The following FZD3 variants were observed in gnomAD, a reference collection of about 807,000 sequenced individuals.
FZD3 encodes the protein frizzled class receptor 3.
Under a neutral mutation model 60.7 loss-of-function variants are expected in FZD3, and 30 were observed. The observed-to-expected ratio is 0.49, with a 90% CI of 0.37 to 0.67. The LOEUF is 0.67. Among genes scored for constraint, FZD3 ranks in the 30% least tolerant of loss-of-function variants. FZD3 has a pLI of 0.00. For missense variants in FZD3, 605 were observed against 838.7 expected, an observed-to-expected ratio of 0.72 and a Z score of 3.44; for synonymous variants, 246 against 275.2, an observed-to-expected ratio of 0.89 and a Z score of 1.05.
chr8:28,546,399 C>A (rs958469687), intron 5 of FZD3, among the ~76,000 whole-genome samples: 4 of 152,188 alleles, frequency 2.6e-5, no homozygotes, highest in Non-Finnish European at 5.9e-5. Context: ...AAAACATTTA[C>A]CAGCACACCA....
chr8:28,568,203 G>A lies in FZD3; in HGVS notation c.*5192G>A, dbSNP rs1805738923. The A allele has an allele frequency of 1.3e-5, 2 of 152,052 alleles. No homozygotes were observed. The highest frequency in any genetic ancestry group is 3.8e-4 in the East Asian group (2 of 5,196). The allele number at this position is 152,052 out of a possible 1,614,324, so 9.4% of individuals were successfully genotyped here. On this transcript the variant is annotated 3_prime_UTR_variant, in exon 8 of 8. Transcript: ENST00000240093. ...ACTTGTGATTCTTTTCAATGCTTTT[G>A]TGTCGTTTTACAGCTGATTAAGAAA...
chr8:28,537,959 A>C (rs942308095), intron 5 of FZD3, among the ~76,000 whole-genome samples: 2 of 151,970 alleles, frequency 1.3e-5, no homozygotes, highest in African/African-American at 4.8e-5. Context: ...TCTACTAAAA[A>C]TACAAAAATT....
At chr8:28,515,127 A>G (rs1270590891) in intron 3 of FZD3, among the ~76,000 whole-genome samples, 1 of 152,176 alleles carries the variant, frequency 6.6e-6, no homozygotes, top group Admixed American at 6.5e-5. Context: ...CTTACCTTAT[A>G]GGATTGTTGT....
At chr8:28,508,231 A>G (rs1014956748) in intron 3 of FZD3, among the ~76,000 whole-genome samples, 1 of 152,030 alleles carries the variant, frequency 6.6e-6, no homozygotes, top group Admixed American at 6.6e-5. Context: ...AGTGGTGTTT[A>G]ACAGTTTCTT....
At chr8:28,512,573 A>G (rs1187224296) in intron 3 of FZD3, among the ~76,000 whole-genome samples, 1 of 152,124 alleles carries the variant, frequency 6.6e-6, no homozygotes, top group East Asian at 1.9e-4. Flanking sequence ...CTTTTAAAAT[A>G]GTAAAACTAG....
At position 28,523,037 on chromosome 8, in the gene FZD3, T is replaced by C. The variant is rs1454342676; in HGVS notation, c.386+2203T>C. 3.9e-5 allele frequency among the ~76,000 whole-genome samples: 6 copies of C among 152,308 alleles called. No individual in the cohort carries two copies. In the South Asian group the frequency reaches 1.0e-3, roughly 26 times the overall value. On this transcript the variant is annotated intron_variant, in intron 4 of 7. Coordinates refer to ENST00000240093, the MANE Select transcript of FZD3 (RefSeq NM_017412.4). ...CGCCCGCCTCAGCCTCCCAAAGTGC[T>C]GGGATTACAGGCGTGAGCCACCGTG... is the stretch of plus-strand genomic sequence containing the variant.
At chr8:28,539,849 A>G (rs924235955) in intron 5 of FZD3, among the ~76,000 whole-genome samples, 1 of 35,200 alleles carries the variant, frequency 2.8e-5, no homozygotes, top group Non-Finnish European at 5.3e-5. Flanking sequence ...GGCCATCACA[A>G]TAATTAAAAA....
intron 6 of FZD3, among the ~76,000 whole-genome samples, chr8:28,552,768 T>G (rs1805437177): frequency 6.6e-6 from 1 of 152,196 alleles, no homozygotes; most frequent in East Asian, 1.9e-4. Context: ...GTTATACAAA[T>G]TATATTAACA....
intron 2 of FZD3, among the ~76,000 whole-genome samples, chr8:28,502,127 C>A (rs1018994443): frequency 3.3e-5 from 5 of 152,118 alleles, no homozygotes; most frequent in African/African-American, 7.2e-5. Context: ...AAGAAAAATT[C>A]TAGGTACATA....
At chr8:28,500,953 G>C (rs372358258) in intron 2 of FZD3, among the ~76,000 whole-genome samples, 6 of 152,066 alleles carry the variant, frequency 3.9e-5, no homozygotes, top group Non-Finnish European at 7.4e-5. Context: ...GTAGAGACAG[G>C]GTTTCACTAT....
In FZD3 at chr8:28,527,730, A is replaced by G. The variant is rs1804753494; in HGVS notation, c.970A>G (p.Ile324Val). 1.9e-6 allele frequency: 3 copies of G among 1,614,164 alleles called. No individual in the cohort carries two copies. The highest frequency in any genetic ancestry group is 2.2e-5 in the East Asian group (1 of 44,888). ...AAVPKWGSEA[I>V]EKKALLFHAS... is the part of the protein sequence containing the mutation. ...TGTGCCAAAGTGGGGTAGTGAAGCT[A>G]TTGAGAAGAAAGCATTGCTGTTTCA... Residue 324 changes from isoleucine to valine, a missense_variant, in exon 5 of 8, where the codon ATT becomes GTT. By Grantham distance (29) the Ile-to-Val change is conservative (BLOSUM62 3). Coordinates refer to ENST00000240093, the MANE Select transcript of FZD3 (RefSeq NM_017412.4). The surrounding 1 kb of genome is among the most constrained non-coding windows in gnomAD (Gnocchi z 5.0).
In FZD3 at chr8:28,529,419, C is replaced by G. The variant is rs1417614956; in HGVS notation, c.1404+1255C>G. Among the ~76,000 whole-genome samples the G allele has an allele frequency of 2.0e-5, 3 of 152,094 alleles. No individual in the cohort carries two copies. In the East Asian group the frequency reaches 5.8e-4, roughly 29 times the overall value. ...ATAACTTTTGTTTACTAGTCTGTTT[C>G]CCCTATTACTATACTCTGAACTCTT... is the stretch of plus-strand genomic sequence containing the variant. On this transcript the variant is annotated intron_variant, in intron 5 of 7. Transcript: ENST00000240093.
At chr8:28,520,129 G>A (rs891172581) in intron 3 of FZD3, among the ~76,000 whole-genome samples, 1 of 150,500 alleles carries the variant, frequency 6.6e-6, no homozygotes, top group Non-Finnish European at 1.5e-5. Context: ...AGAATTGCTT[G>A]AACTTGGGAG....
At chr8:28,520,193 G>C (rs1804538607) in intron 3 of FZD3, among the ~76,000 whole-genome samples, 1 of 141,082 alleles carries the variant, frequency 7.1e-6, no homozygotes, top group Admixed American at 7.5e-5. Flanking sequence ...CTGGGCGACA[G>C]AGTGAGACTC....
Position 28,502,926 on chromosome 8 carries a change from C to T in FZD3, c.-88C>T, listed in dbSNP as rs1434595013. On this transcript the variant is annotated 5_prime_UTR_variant, in exon 3 of 8. Coordinates refer to ENST00000240093, the MANE Select transcript of FZD3 (RefSeq NM_017412.4). ...TAACAGTAAGATACAGAAGAAGTAC[C>T]TTCGAGCTGAGACCTGCAGGTGTAT... The T allele has an allele frequency of 2.5e-6, 2 of 789,002 alleles. No homozygotes were observed. Among genetic ancestry groups the T allele is most frequent in the Non-Finnish European group, 4.1e-6 (2 of 485,576 alleles). 48.9% of individuals were successfully genotyped at this position (789,002 alleles called of 1,614,324 possible). A position where few individuals can be genotyped will look rare whatever the true frequency, so the allele number is the denominator to read the frequency against.
intron 1 of FZD3, among the ~76,000 whole-genome samples, chr8:28,497,462 A>AGAAGC (rs3049806): frequency 6.6e-6 from 1 of 151,796 alleles, no homozygotes; most frequent in East Asian, 1.9e-4. Flanking sequence ...TTTCCTTAAG[A>AGAAGC]AGCTCTTATT....
At chr8:28,529,920 A>G (rs866314356) in intron 5 of FZD3, among the ~76,000 whole-genome samples, 7 of 152,110 alleles carry the variant, frequency 4.6e-5, no homozygotes, top group African/African-American at 1.7e-4. Context: ...CTAAATTATT[A>G]TTTTAGGGCT....
intron 2 of FZD3, among the ~76,000 whole-genome samples, chr8:28,502,407 T>C (rs1392784823): frequency 6.6e-6 from 1 of 152,192 alleles, no homozygotes; most frequent in African/African-American, 2.4e-5. Flanking sequence ...AAACTGCCAT[T>C]ATACATGAGA....
chr8:28,551,738 C>G lies in FZD3; in HGVS notation c.1540C>G (p.Arg514Gly). The change falls in exon 6 of 8, where the codon CGT becomes GGT. Residue 514 changes from arginine to glycine, a missense_variant. Transcript: ENST00000240093. The stretch of plus-strand genomic sequence containing the variant: ...TGAATGGGCCAGTTTTTTTCATGGT[C>G]GTAGGAAAAAAGAGTAAGTTGAAAT... ...CFEWASFFHG[R>G]RKKEIVNESR... 6.3e-7 allele frequency: 1 copy of G among 1,599,996 alleles called. No individual in the cohort carries two copies. Among genetic ancestry groups the G allele is most frequent in the African/African-American group, 1.4e-5 (1 of 73,740 alleles).
Sources: gnomAD v4.1 joint callset for allele counts (sites outside exome capture counted in the v4.1 genomes callset) on GRCh38, gnomAD v4.1.1 for gene constraint, Gnocchi (gnomAD v3.1) non-coding constraint, MANE v1.5 for transcripts, NCBI Gene and HGNC (gene_info 2026-07-23, HGNC 2026-07-21) for gene names.